ZC3H12B: variants seen among roughly 807,000 people sequenced by gnomAD.
ZC3H12B encodes the protein probable ribonuclease ZC3H12B.
In ZC3H12B, 7 loss-of-function variants were observed where a neutral mutation model predicts 43.9. The observed-to-expected ratio is 0.16, with a 90% CI of 0.09 to 0.30. ZC3H12B has a LOEUF of 0.30. Among genes scored for constraint, ZC3H12B ranks in the 10% least tolerant of loss-of-function variants. The probability of loss-of-function intolerance (pLI) is 1.00; values close to 1 mark genes in which losing one functional copy is unlikely to be tolerated. For synonymous variants in ZC3H12B, 222 were observed against 241.7 expected (o/e 0.92, Z 0.76); for missense variants, 475 against 670.2 (o/e 0.71, Z 3.22).
chrX:65,291,182 G>T, the ZC3H12B span, among the ~76,000 whole-genome samples: 1 of 111,461 alleles, frequency 9.0e-6, no homozygotes, highest in Non-Finnish European at 1.9e-5. Context: ...TTGAGTCCCT[G>T]TACAGTGCTT....
At chrX:65,477,817 C>CTGTG (rs746164349) in intron 3 of ZC3H12B, among the ~76,000 whole-genome samples, 3,081 of 92,912 alleles carry the variant, frequency 0.033, 93 homozygotes, top group African/African-American at 0.098. Context: ...AAACATTCCT[C>CTGTG]TGTGTGTGTG....
chrX:65,238,947 G>T, the ZC3H12B span, among the ~76,000 whole-genome samples: 2 of 112,022 alleles, frequency 1.8e-5, no homozygotes, highest in African/African-American at 6.5e-5. Flanking sequence ...TGGTCTGAAA[G>T]ACTTTCTTAT....
chrX:65,125,012 T>C, the ZC3H12B span, among the ~76,000 whole-genome samples: 1 of 111,187 alleles, frequency 9.0e-6, no homozygotes, highest in African/African-American at 3.3e-5. Context: ...ATTATTTCTT[T>C]TCTTCTGCTG....
intron 3 of ZC3H12B, among the ~76,000 whole-genome samples, chrX:65,473,781 A>T (rs1468312514): frequency 9.0e-6 from 1 of 111,620 alleles, no homozygotes; most frequent in Non-Finnish European, 1.9e-5. Flanking sequence ...TTCCCATAGC[A>T]TATATATTGC....
At chrX:65,415,094 G>A (rs985281591) in intron 3 of ZC3H12B, among the ~76,000 whole-genome samples, 3 of 112,554 alleles carry the variant, frequency 2.7e-5, no homozygotes, top group African/African-American at 6.5e-5. Context: ...ATAACTTGAA[G>A]TGGGAGCTTT....
At chrX:65,415,328 G>T (rs1282590534) in intron 3 of ZC3H12B, among the ~76,000 whole-genome samples, 1 of 112,645 alleles carries the variant, frequency 8.9e-6, no homozygotes, top group Non-Finnish European at 1.9e-5. Flanking sequence ...TGGAGGAAAA[G>T]ACATGGAAAG....
chrX:65,080,741 A>C, the ZC3H12B span, among the ~76,000 whole-genome samples: 1 of 111,855 alleles, frequency 8.9e-6, no homozygotes, highest in Non-Finnish European at 1.9e-5. Flanking sequence ...GAGTAATTCA[A>C]CTATAAAGAA....
chrX:65,266,208 C>A, the ZC3H12B span, among the ~76,000 whole-genome samples: 21 of 112,174 alleles, frequency 1.9e-4, no homozygotes, highest in African/African-American at 6.8e-4. Context: ...GGACTGTAAT[C>A]TATTTCTCAG....
chrX:65,352,461 A>G, the ZC3H12B span, among the ~76,000 whole-genome samples: 1 of 22,653 alleles, frequency 4.4e-5, no homozygotes, highest in East Asian at 1.9e-3. Context: ...AACTTAAAGT[A>G]TAATTTAAAA....
intron 3 of ZC3H12B, among the ~76,000 whole-genome samples, 173 bp downstream of exon 5, chrX:65,398,877 C>T (rs1253316088): frequency 8.9e-6 from 1 of 111,832 alleles, no homozygotes; most frequent in Non-Finnish European, 1.9e-5. Flanking sequence ...GTCTGTTCAC[C>T]TGCAGTGGAC....
intron 3 of ZC3H12B, among the ~76,000 whole-genome samples, chrX:65,468,638 C>A (rs1310774713): frequency 2.0e-5 from 2 of 100,768 alleles, no homozygotes; most frequent in Admixed American, 2.1e-4. Flanking sequence ...TGCCCGCCAC[C>A]GTGCCCGGCT....
At chrX:65,161,144 G>T in the ZC3H12B span, among the ~76,000 whole-genome samples, 2 of 111,160 alleles carry the variant, frequency 1.8e-5, no homozygotes, top group Admixed American at 9.6e-5. Flanking sequence ...TATAATTTCT[G>T]TTCTTTTACA....
At chrX:65,379,980 A>G (rs910190139) in intron 2 of ZC3H12B, among the ~76,000 whole-genome samples, 3 of 112,399 alleles carry the variant, frequency 2.7e-5, no homozygotes, top group African/African-American at 9.7e-5. Flanking sequence ...TCTACGTCTG[A>G]TTGGTGTACC....
chrX:65,460,787 A>G (rs2067730556), intron 3 of ZC3H12B, among the ~76,000 whole-genome samples: 1 of 111,872 alleles, frequency 8.9e-6, no homozygotes, highest in Non-Finnish European at 1.9e-5. Context: ...ACCATTCAGG[A>G]CATAGGCATG....
At chrX:65,173,680 C>A in the ZC3H12B span, among the ~76,000 whole-genome samples, 1 of 111,666 alleles carries the variant, frequency 9.0e-6, no homozygotes, top group Non-Finnish European at 1.9e-5. Context: ...TTGAGATAAT[C>A]ATGTGATTTT....
At chrX:65,119,772 G>A in the ZC3H12B span, among the ~76,000 whole-genome samples, 2 of 111,676 alleles carry the variant, frequency 1.8e-5, no homozygotes, top group Non-Finnish European at 3.8e-5. Flanking sequence ...GGATTTTTAT[G>A]GTTTTAGGTC....
At chrX:65,126,828 C>T in the ZC3H12B span, among the ~76,000 whole-genome samples, 1 of 107,086 alleles carries the variant, frequency 9.3e-6, no homozygotes, top group African/African-American at 3.4e-5. Flanking sequence ...CAAAGTGTGT[C>T]CTTGATTTCC....
At chrX:65,248,741 T>C in the ZC3H12B span, among the ~76,000 whole-genome samples, 3 of 112,175 alleles carry the variant, frequency 2.7e-5, no homozygotes, top group African/African-American at 6.5e-5. Flanking sequence ...TGCCAACATC[T>C]ACTATTTTTT....
the ZC3H12B span, among the ~76,000 whole-genome samples, chrX:65,165,357 C>T: frequency 8.9e-6 from 1 of 111,907 alleles, no homozygotes; most frequent in East Asian, 2.8e-4. Flanking sequence ...TGGTTGACTG[C>T]ACCTATCAGC....
Sources: gnomAD v4.1 joint callset for allele counts (sites outside exome capture counted in the v4.1 genomes callset) on GRCh38, gnomAD v4.1.1 for gene constraint, MANE v1.5 for transcripts, NCBI Gene and HGNC (gene_info 2026-07-23, HGNC 2026-07-21) for gene names.